The following ATP8A2 variants were observed in gnomAD, a reference collection of about 807,000 sequenced individuals.
ATP8A2 encodes phospholipid-transporting ATPase IB.
In ATP8A2, 100 loss-of-function variants were observed where a neutral mutation model predicts 165.6. That is an observed-to-expected ratio of 0.60 (90% CI 0.51 to 0.71). The LOEUF (loss-of-function observed/expected upper bound fraction) is 0.71, where lower values mean the gene tolerates loss of function less well. Ranked by LOEUF, ATP8A2 falls within the 30% of genes least tolerant of loss-of-function variation. ATP8A2 has a pLI of 0.00. For missense variants in ATP8A2, 1,227 were observed against 1,479.5 expected, an observed-to-expected ratio of 0.83 and a Z score of 2.80; for synonymous variants, 543 against 548.8, an observed-to-expected ratio of 0.99 and a Z score of 0.15.
In ATP8A2 at chr13:25,741,082, A is replaced by C. The variant is rs74037417; in HGVS notation, c.2385-27964A>C. Among the ~76,000 whole-genome samples, 1,492 of 152,356 alleles carry C rather than the reference A, an allele frequency of 9.8e-3. 24 individuals carry two copies. Among genetic ancestry groups the C allele is most frequent in the African/African-American group, 0.032 (1,331 of 41,588 alleles). ...GTTTTTAAGAACTATATAAGAAAAT[A>C]AGTATTTTTCAGAAAGTGTATGAGT... is the stretch of plus-strand genomic sequence containing the variant. On this transcript the variant is annotated intron_variant, in intron 25 of 36. Coordinates refer to ENST00000381655, the MANE Select transcript of ATP8A2 (RefSeq NM_016529.6).
chr13:25,405,229 G>A (rs191826523), intron 1 of ATP8A2, among the ~76,000 whole-genome samples: 6 of 152,268 alleles, frequency 3.9e-5, no homozygotes, highest in African/African-American at 7.2e-5. Flanking sequence ...GCGCAGATGC[G>A]AAAGTGTAGA....
intron 33 of ATP8A2, among the ~76,000 whole-genome samples, chr13:25,929,290 G>C (rs899891954): frequency 2.0e-4 from 30 of 152,234 alleles, no homozygotes; most frequent in African/African-American, 6.3e-4. Context: ...TTCCCTGAAG[G>C]CAGATGGGAT....
At chr13:25,423,704 G>A (rs1005036411) in intron 1 of ATP8A2, among the ~76,000 whole-genome samples, 1 of 152,166 alleles carries the variant, frequency 6.6e-6, no homozygotes, top group African/African-American at 2.4e-5. Flanking sequence ...CTGTTAAGTT[G>A]AGCATCTTTT....
chr13:25,454,709 G>A (rs908024413), intron 1 of ATP8A2, among the ~76,000 whole-genome samples: 3 of 152,184 alleles, frequency 2.0e-5, no homozygotes, highest in Non-Finnish European at 4.4e-5. Context: ...GAATCACGAG[G>A]TCATGAGATC....
chr13:25,918,006 G>A (rs1238904548), intron 33 of ATP8A2, among the ~76,000 whole-genome samples: 3 of 152,192 alleles, frequency 2.0e-5, no homozygotes, highest in Non-Finnish European at 4.4e-5. Flanking sequence ...TGAAGAAGAA[G>A]ATGAGGGAAA....
chr13:25,570,081 G>A (rs904559157), intron 16 of ATP8A2, among the ~76,000 whole-genome samples: 11 of 152,072 alleles, frequency 7.2e-5, no homozygotes, highest in African/African-American at 2.7e-4. Context: ...GAGAATAAGA[G>A]AATTTTATTA....
intron 2 of ATP8A2, among the ~76,000 whole-genome samples, chr13:25,508,880 A>G (rs1312833489): frequency 6.6e-6 from 1 of 152,220 alleles, no homozygotes; most frequent in East Asian, 1.9e-4. Flanking sequence ...TGCTTGGGGT[A>G]AGAACACAGT....
At chr13:25,451,102 A>G (rs913241079) in intron 1 of ATP8A2, among the ~76,000 whole-genome samples, 10 of 152,044 alleles carry the variant, frequency 6.6e-5, no homozygotes, top group African/African-American at 9.7e-5. Context: ...TTAGACCCCC[A>G]TGAGGTTGTC....
At chr13:25,541,620 G>A (rs779447434) in intron 8 of ATP8A2, among the ~76,000 whole-genome samples, 49 of 152,212 alleles carry the variant, frequency 3.2e-4, no homozygotes, top group Non-Finnish European at 5.7e-4. Context: ...AGTAGATTAT[G>A]CTTGCTGTAA....
Position 25,532,290 on chromosome 13 carries a change from A to C in ATP8A2, c.439A>C (p.Asn147His). The C allele has an allele frequency of 6.2e-7, 1 of 1,611,184 alleles. No individual in the cohort carries two copies. The highest frequency in any genetic ancestry group is 8.5e-7 in the Non-Finnish European group (1 of 1,179,160). The change falls in exon 5 of 37, where the codon AAT becomes CAT. Residue 147 changes from asparagine (N) to histidine (H), a missense_variant. Asn to His is a moderately conservative substitution (Grantham distance 68, BLOSUM62 1). Coordinates refer to ENST00000381655, the MANE Select transcript of ATP8A2 (RefSeq NM_016529.6). ...VEDFKRHKAD[N>H]AVNKKKTIVL... ...GTAACAGAAGCGACACAAGGCAGAC[A>C]ATGCAGTTAACAAAAAGAAAACAAT...
intron 24 of ATP8A2, among the ~76,000 whole-genome samples, chr13:25,609,581 A>ATATTTGGATTCAAATATATATATATATT (rs2040623489): frequency 6.8e-6 from 1 of 148,024 alleles, no homozygotes; most frequent in African/African-American, 2.5e-5. Flanking sequence ...ATATATATAT[A>ATATTTGGATTCAAATATATATATATATT]TTTGGGTTCA....
intron 24 of ATP8A2, among the ~76,000 whole-genome samples, chr13:25,693,061 A>G (rs1195788451): frequency 6.6e-6 from 1 of 152,210 alleles, no homozygotes; most frequent in African/African-American, 2.4e-5. Flanking sequence ...AGCTAAGTCC[A>G]TTGTAACTTT....
chr13:25,560,700 CAAAAAAAAAA>C (rs748751011), intron 15 of ATP8A2, among the ~76,000 whole-genome samples: 2 of 63,292 alleles, frequency 3.2e-5, no homozygotes, highest in East Asian at 1.5e-3. Flanking sequence ...ACTCTTGTCT[CAAAAAAAAAA>C]AAAAAAAAAA....
intron 15 of ATP8A2, among the ~76,000 whole-genome samples, chr13:25,562,296 TTTTG>T (rs372889072): frequency 1.3e-5 from 2 of 152,258 alleles, no homozygotes; most frequent in African/African-American, 4.8e-5. Context: ...ATTTTTCAGG[TTTTG>T]TTTGTTTTAT....
intron 1 of ATP8A2, among the ~76,000 whole-genome samples, chr13:25,446,348 C>G (rs1028376268): frequency 6.6e-6 from 1 of 152,168 alleles, no homozygotes; most frequent in Non-Finnish European, 1.5e-5. Flanking sequence ...CCCAAATGAG[C>G]GCAGAATTTG....
At chr13:25,817,690 T>TC (rs1260145003) in intron 27 of ATP8A2, among the ~76,000 whole-genome samples, 2 of 152,154 alleles carry the variant, frequency 1.3e-5, no homozygotes, top group Admixed American at 1.3e-4. Flanking sequence ...TTTTTCTTTT[T>TC]TTTTGTTTTG....
chr13:25,745,388 C>T (rs1348815782), intron 25 of ATP8A2, among the ~76,000 whole-genome samples: 2 of 152,168 alleles, frequency 1.3e-5, no homozygotes, highest in Admixed American at 6.5e-5. Context: ...TGGGAAGTGG[C>T]GTGCTCAGTG....
chr13:25,617,744 T>C (rs2040863387), intron 24 of ATP8A2, among the ~76,000 whole-genome samples: 1 of 152,208 alleles, frequency 6.6e-6, no homozygotes, highest in African/African-American at 2.4e-5. Context: ...CCATGGTATT[T>C]CTTTATTAAT....
At chr13:25,947,530 C>T (rs1955243404) in intron 33 of ATP8A2, among the ~76,000 whole-genome samples, 1 of 152,140 alleles carries the variant, frequency 6.6e-6, no homozygotes, top group Non-Finnish European at 1.5e-5. Context: ...TCCATAAAAG[C>T]CTCAAGGCCA....
Sources: gnomAD v4.1 joint callset for allele counts (sites outside exome capture counted in the v4.1 genomes callset) on GRCh38, gnomAD v4.1.1 for gene constraint, MANE v1.5 for transcripts, NCBI Gene and HGNC (gene_info 2026-07-23, HGNC 2026-07-21) for gene names.